RALGAPA2: variants seen among roughly 807,000 people sequenced by gnomAD.
RALGAPA2 encodes ral GTPase-activating protein subunit alpha-2.
In RALGAPA2, 139 loss-of-function variants were observed where a neutral mutation model predicts 230.4. That is an observed-to-expected ratio of 0.60 (90% CI 0.53 to 0.69). RALGAPA2 has a LOEUF of 0.69. Ranked by LOEUF, RALGAPA2 falls within the 30% of genes least tolerant of loss-of-function variation. The pLI is 0.00. For missense variants in RALGAPA2, 2,163 were observed against 2,276.0 expected (o/e 0.95, Z 1.01); for synonymous variants, 847 against 837.8 (o/e 1.01, Z -0.19).
At chr20:20,660,562 A>G (rs528683391) in intron 3 of RALGAPA2, among the ~76,000 whole-genome samples, 4 of 152,062 alleles carry the variant, frequency 2.6e-5, no homozygotes, top group Admixed American at 6.5e-5. Flanking sequence ...TGCAGTCCTT[A>G]TTAAGCTCAA....
chr20:20,455,168 T>TCC (rs2061082440), intron 37 of RALGAPA2, among the ~76,000 whole-genome samples: 2 of 152,300 alleles, frequency 1.3e-5, no homozygotes, highest in African/African-American at 4.8e-5. Context: ...GCCTCCACAG[T>TCC]CCCGTGTAAT....
At chr20:20,520,379 C>T (rs925303927) in intron 31 of RALGAPA2, among the ~76,000 whole-genome samples, 49 of 152,190 alleles carry the variant, frequency 3.2e-4, no homozygotes, top group African/African-American at 1.2e-3. Flanking sequence ...AGAAATACAG[C>T]AGGCTCTAAG....
chr20:20,712,607 G>T lies in RALGAPA2; in HGVS notation c.-127C>A. The T allele has an allele frequency of 8.5e-7, 1 of 1,175,960 alleles. No homozygotes were observed. The highest frequency in any genetic ancestry group is 1.1e-6 in the Non-Finnish European group (1 of 945,250). 72.8% of individuals were successfully genotyped at this position (1,175,960 alleles called of 1,614,324 possible). A position where few individuals can be genotyped will look rare whatever the true frequency, so the allele number is the denominator to read the frequency against. On this transcript the variant is annotated 5_prime_UTR_variant, in exon 1 of 40. Transcript: ENST00000202677. The surrounding 1 kb of genome is among the most constrained non-coding windows in gnomAD (Gnocchi z 5.5). ...CGCCGCCCCCAGCCCCGCTGCTGCCGCCGCCGCCGCCGCCGCCGCCGCCTC... is the reference window on the plus strand; with the variant it reads ...CGCCGCCCCCAGCCCCGCTGCTGCCTCCGCCGCCGCCGCCGCCGCCGCCTC...
intron 14 of RALGAPA2, among the ~76,000 whole-genome samples, chr20:20,607,181 G>T (rs953980469): frequency 1.3e-5 from 2 of 152,132 alleles, no homozygotes; most frequent in Admixed American, 6.5e-5. Context: ...TTTTTTAATG[G>T]AATTTACTCT....
intron 3 of RALGAPA2, among the ~76,000 whole-genome samples, chr20:20,665,424 A>G (rs1003173436): frequency 6.6e-6 from 1 of 152,242 alleles, no homozygotes; most frequent in African/African-American, 2.4e-5. Context: ...ATGTAATTTC[A>G]GACTTCCACG....
intron 23 of RALGAPA2, among the ~76,000 whole-genome samples, chr20:20,550,313 T>C (rs1271793596): frequency 6.6e-6 from 1 of 152,200 alleles, no homozygotes; most frequent in African/African-American, 2.4e-5. Flanking sequence ...GTGTATCCTT[T>C]CTCATAAGTA....
At chr20:20,640,918 A>G in intron 5 of RALGAPA2, 40 bp from the exon 6 acceptor site, 1 of 1,506,390 alleles carries the variant, frequency 6.6e-7, no homozygotes, top group Non-Finnish European at 9.1e-7. Context: ...AAACACATGT[A>G]TTTACAGAAA....
intron 9 of RALGAPA2, 85 bp from the exon 10 acceptor site, chr20:20,629,675 G>C (rs1177324790): frequency 1.4e-6 from 2 of 1,382,156 alleles, no homozygotes; most frequent in Non-Finnish European, 2.0e-6. Flanking sequence ...CTTGTTTTAA[G>C]TAACTCTGGT....
At position 20,417,167 on chromosome 20, in the gene RALGAPA2, C is replaced by T. The variant is rs1056692199; in HGVS notation, c.5496-5019G>A. 3.9e-5 allele frequency among the ~76,000 whole-genome samples: 6 copies of T among 152,310 alleles called. No homozygotes were observed. The East Asian group carries it at 1.2e-3, about 29-fold the overall frequency. Reference sequence around the variant, plus strand: ...GAGTTCTGCTGCCACTGTTCCATCCCTTGAGTACATTAGGGTGTGTAAAAG... The same window carrying T: ...GAGTTCTGCTGCCACTGTTCCATCCTTTGAGTACATTAGGGTGTGTAAAAG... On this transcript the variant is annotated intron_variant, in intron 37 of 39. Transcript: ENST00000202677.
At chr20:20,421,008 A>G (rs1380151585) in intron 37 of RALGAPA2, among the ~76,000 whole-genome samples, 1 of 152,242 alleles carries the variant, frequency 6.6e-6, no homozygotes, top group Non-Finnish European at 1.5e-5. Flanking sequence ...GATGAAAGAA[A>G]GTGAAGAGGC....
intron 1 of RALGAPA2, among the ~76,000 whole-genome samples, chr20:20,707,665 T>G (rs2069660718): frequency 6.6e-6 from 1 of 152,142 alleles, no homozygotes; most frequent in Non-Finnish European, 1.5e-5. Context: ...ATACAGCATT[T>G]GTGAGAGACG....
chr20:20,424,448 A>G (rs1242959134), intron 37 of RALGAPA2, among the ~76,000 whole-genome samples: 1 of 152,236 alleles, frequency 6.6e-6, no homozygotes, highest in Non-Finnish European at 1.5e-5. Context: ...AATATGAACA[A>G]TAGAAGCCCT....
intron 14 of RALGAPA2, among the ~76,000 whole-genome samples, chr20:20,608,067 AG>A (rs769440324): frequency 2.7e-4 from 41 of 152,320 alleles, no homozygotes; most frequent in Non-Finnish European, 4.9e-4. Flanking sequence ...GCCTTTCTGT[AG>A]TCACATTTCT....
In RALGAPA2 at chr20:20,454,887, C is replaced by A. The variant is rs552230504; in HGVS notation, c.5495+17942G>T. Among the ~76,000 whole-genome samples, 14 of 152,260 alleles carry A rather than the reference C, an allele frequency of 9.2e-5. No individual in the cohort carries two copies. In the South Asian group the frequency reaches 2.7e-3, roughly 29 times the overall value. On this transcript the variant is annotated intron_variant, in intron 37 of 39. Transcript: ENST00000202677. Reference sequence around the variant, plus strand: ...AAAGTTTTAATGTTTTAAAAATACCCAGACTAGAAATAATTACAGCACAAA... The same window carrying A: ...AAAGTTTTAATGTTTTAAAAATACCAAGACTAGAAATAATTACAGCACAAA...
intron 23 of RALGAPA2, among the ~76,000 whole-genome samples, chr20:20,556,504 G>A (rs535943170): frequency 1.1e-4 from 17 of 152,298 alleles, no homozygotes; most frequent in African/African-American, 2.4e-4. Flanking sequence ...GCCTGACTAC[G>A]TAATGACTGT....
chr20:20,409,234 C>T (rs1462135028), intron 38 of RALGAPA2, among the ~76,000 whole-genome samples: 1 of 152,216 alleles, frequency 6.6e-6, no homozygotes, highest in Non-Finnish European at 1.5e-5. Flanking sequence ...GCATCTCCCA[C>T]TTTTACTTCA....
chr20:20,568,322 T>C lies in RALGAPA2; in HGVS notation c.3156+3136A>G, dbSNP rs188175953. On this transcript the variant is annotated intron_variant, in intron 23 of 39. Transcript: ENST00000202677. ...CATATGTACCGGGGGAAATACTACT[T>C]GATAAATTCATTGTGTTAGTATTAC... Among the ~76,000 whole-genome samples the C allele has an allele frequency of 4.9e-3, 748 of 152,326 alleles. 5 individuals carry two copies. Among genetic ancestry groups the C allele is most frequent in the African/African-American group, 0.017 (713 of 41,580 alleles).
intron 23 of RALGAPA2, among the ~76,000 whole-genome samples, chr20:20,560,938 T>A (rs1017693679): frequency 2.6e-5 from 4 of 152,176 alleles, no homozygotes; most frequent in Admixed American, 2.0e-4. Flanking sequence ...CTTCCCAAAG[T>A]CCCAGAGTCA....
intron 36 of RALGAPA2, among the ~76,000 whole-genome samples, chr20:20,485,648 T>C (rs1182266670): frequency 6.6e-6 from 1 of 152,226 alleles, no homozygotes; most frequent in African/African-American, 2.4e-5. Context: ...AATACATTTA[T>C]AACTAACCCA....
Sources: gnomAD v4.1 joint callset for allele counts (sites outside exome capture counted in the v4.1 genomes callset) on GRCh38, gnomAD v4.1.1 for gene constraint, Gnocchi (gnomAD v3.1) non-coding constraint, MANE v1.5 for transcripts, NCBI Gene and HGNC (gene_info 2026-07-23, HGNC 2026-07-21) for gene names.